EPC2: variants seen among roughly 807,000 people sequenced by gnomAD.
EPC2 encodes the protein enhancer of polycomb homolog 2.
In EPC2, 14 loss-of-function variants were observed where a neutral mutation model predicts 92.1. The ratio of observed to expected loss-of-function variants is 0.15; its 90% CI spans 0.10 to 0.24. The LOEUF is 0.24. Among genes scored for constraint, EPC2 ranks in the 10% least tolerant of loss-of-function variants. The probability of loss-of-function intolerance (pLI) is 1.00; values close to 1 mark genes in which losing one functional copy is unlikely to be tolerated. For missense variants in EPC2, 755 were observed against 971.5 expected, an observed-to-expected ratio of 0.78 and a Z score of 2.96; for synonymous variants, 340 against 334.7, an observed-to-expected ratio of 1.02 and a Z score of -0.17.
rs141269527 is a variant in EPC2, at chr2:148,701,410, T to C, written c.313+11037T>C. 2.7e-3 allele frequency among the ~76,000 whole-genome samples: 406 copies of C among 152,338 alleles called. 2 individuals carry two copies. The highest frequency in any genetic ancestry group is 0.014 in the Admixed American group (216 of 15,300). On this transcript the variant is annotated intron_variant, in intron 2 of 13. Coordinates refer to ENST00000258484, the MANE Select transcript of EPC2 (RefSeq NM_015630.4). Reference sequence around the variant, plus strand: ...CTGTAGGTTTTCTGTAAAAGTTCTTTATCAAGTTGAAGAAATTCTCCTCTA... The same window carrying C: ...CTGTAGGTTTTCTGTAAAAGTTCTTCATCAAGTTGAAGAAATTCTCCTCTA...
chr2:148,682,986 A>C (rs1283515818), intron 1 of EPC2, among the ~76,000 whole-genome samples: 1 of 152,184 alleles, frequency 6.6e-6, no homozygotes, highest in Non-Finnish European at 1.5e-5. Context: ...TATAGAAATC[A>C]CATGTTATAT....
chr2:148,771,631 A>G (rs1683520736), intron 10 of EPC2, among the ~76,000 whole-genome samples: 1 of 152,084 alleles, frequency 6.6e-6, no homozygotes, highest in Non-Finnish European at 1.5e-5. Flanking sequence ...CTGTGGCCAC[A>G]CTGCTTATAA....
At chr2:148,647,726 G>A (rs1683833856) in intron 1 of EPC2, among the ~76,000 whole-genome samples, 1 of 148,790 alleles carries the variant, frequency 6.7e-6, no homozygotes, top group Non-Finnish European at 1.5e-5. Flanking sequence ...TTCGCCTCCC[G>A]GGTTCAAGTG....
chr2:148,728,692 T>A (rs1390241252), intron 2 of EPC2, among the ~76,000 whole-genome samples: 1 of 151,680 alleles, frequency 6.6e-6, no homozygotes, highest in Non-Finnish European at 1.5e-5. Context: ...ATCGTGCTAC[T>A]GCACTGCATC....
At chr2:148,704,583 T>A (rs1442240891) in intron 2 of EPC2, among the ~76,000 whole-genome samples, 1 of 152,214 alleles carries the variant, frequency 6.6e-6, no homozygotes, top group Non-Finnish European at 1.5e-5. Flanking sequence ...ATACTCAGAT[T>A]TGAGAATCCC....
At chr2:148,699,054 T>C (rs1035572100) in intron 2 of EPC2, among the ~76,000 whole-genome samples, 7 of 152,164 alleles carry the variant, frequency 4.6e-5, no homozygotes, top group Non-Finnish European at 7.4e-5. Context: ...TGTTTCTACC[T>C]TAATTATTGA....
intron 1 of EPC2, among the ~76,000 whole-genome samples, chr2:148,648,088 CCT>C (rs1361574104): frequency 2.3e-4 from 35 of 152,214 alleles, no homozygotes; most frequent in Admixed American, 2.2e-3. Flanking sequence ...AAACCCAGAA[CCT>C]CTGATTCTTT....
At chr2:148,669,932 CA>C in intron 1 of EPC2, among the ~76,000 whole-genome samples, 1 of 152,230 alleles carries the variant, frequency 6.6e-6, no homozygotes, top group East Asian at 1.9e-4. Flanking sequence ...GTTGTTTCTC[CA>C]GCCTCGGGTA....
intron 2 of EPC2, among the ~76,000 whole-genome samples, chr2:148,692,990 T>A (rs1235454477): frequency 6.6e-6 from 1 of 152,216 alleles, no homozygotes; most frequent in Non-Finnish European, 1.5e-5. Context: ...GCCTTTCTAG[T>A]CATATTTTAA....
In EPC2 at chr2:148,774,614, A is replaced by T. The variant is rs184887386; in HGVS notation, c.1720+3227A>T. On this transcript the variant is annotated intron_variant, in intron 10 of 13. Coordinates refer to ENST00000258484, the MANE Select transcript of EPC2 (RefSeq NM_015630.4). Reference sequence around the variant, plus strand: ...AGGGTGAGACCCTGACTCAAAAAAAAAAATATATTTTATATATATATATAT... The same window carrying T: ...AGGGTGAGACCCTGACTCAAAAAAATAAATATATTTTATATATATATATAT... Among the ~76,000 whole-genome samples, 658 of 144,736 alleles carry T rather than the reference A, an allele frequency of 4.5e-3. 5 individuals are homozygous for T. Among genetic ancestry groups the T allele is most frequent in the African/African-American group, 0.013 (494 of 39,118 alleles). The allele number at this position is 144,736 out of a possible 152,430, so 95.0% of individuals were successfully genotyped here.
intron 4 of EPC2, among the ~76,000 whole-genome samples, chr2:148,757,519 T>C (rs1008583960): frequency 6.6e-6 from 1 of 152,122 alleles, no homozygotes; most frequent in Admixed American, 6.5e-5. Context: ...AATGGGCATG[T>C]CTAGCATGTA....
At chr2:148,674,762 A>G (rs1052284847) in intron 1 of EPC2, among the ~76,000 whole-genome samples, 1 of 152,116 alleles carries the variant, frequency 6.6e-6, no homozygotes, top group Non-Finnish European at 1.5e-5. Flanking sequence ...ATTTCAATGC[A>G]CGTGTTCCTG....
At chr2:148,686,294 T>A (rs1448929422) in intron 1 of EPC2, among the ~76,000 whole-genome samples, 14 of 152,342 alleles carry the variant, frequency 9.2e-5, no homozygotes, top group Non-Finnish European at 1.8e-4. Flanking sequence ...TCTGTTCAAG[T>A]TTTATGAAAT....
At chr2:148,652,107 T>C (rs1680699528) in intron 1 of EPC2, among the ~76,000 whole-genome samples, 1 of 152,302 alleles carries the variant, frequency 6.6e-6, no homozygotes, top group Admixed American at 6.5e-5. Context: ...AGAGCGTTAT[T>C]GGTCTGGCTT....
At chr2:148,771,873 A>C (rs1395298118) in intron 10 of EPC2, among the ~76,000 whole-genome samples, 1 of 151,148 alleles carries the variant, frequency 6.6e-6, no homozygotes, top group Non-Finnish European at 1.5e-5. Context: ...ATCTCAGCTC[A>C]CTGCAACCTC....
At chr2:148,648,492 A>AT (rs879322954) in intron 1 of EPC2, among the ~76,000 whole-genome samples, 2 of 152,156 alleles carry the variant, frequency 1.3e-5, no homozygotes, top group Admixed American at 6.5e-5. Context: ...TTTTTATAAG[A>AT]TTTTTTTCTT....
At chr2:148,727,716 A>G (rs1682525499) in intron 2 of EPC2, among the ~76,000 whole-genome samples, 1 of 152,242 alleles carries the variant, frequency 6.6e-6, no homozygotes, top group African/African-American at 2.4e-5. Flanking sequence ...GGGTTTGAAC[A>G]GAAAATGTGG....
At chr2:148,731,314 A>G (rs1014797100) in intron 2 of EPC2, among the ~76,000 whole-genome samples, 11 of 152,250 alleles carry the variant, frequency 7.2e-5, no homozygotes, top group African/African-American at 2.7e-4. Flanking sequence ...AATCGCCTTT[A>G]GAAACAAGGT....
intron 1 of EPC2, among the ~76,000 whole-genome samples, chr2:148,661,510 C>T (rs1680934073): frequency 6.6e-6 from 1 of 152,060 alleles, no homozygotes; most frequent in South Asian, 2.1e-4. Flanking sequence ...AATTACATTT[C>T]CCTGTTGTGT....
Sources: gnomAD v4.1 joint callset for allele counts (sites outside exome capture counted in the v4.1 genomes callset) on GRCh38, gnomAD v4.1.1 for gene constraint, MANE v1.5 for transcripts, NCBI Gene and HGNC (gene_info 2026-07-23, HGNC 2026-07-21) for gene names.